Variants in ZNF804A observed in about 807,000 individuals in gnomAD.
The protein encoded by ZNF804A is zinc finger protein 804A.
In ZNF804A, 2 loss-of-function variants were observed where a neutral mutation model predicts 16.5. The observed-to-expected ratio is 0.12, with a 90% CI of 0.05 to 0.38. The LOEUF (loss-of-function observed/expected upper bound fraction) is 0.38, where lower values mean the gene tolerates loss of function less well. Ranked by LOEUF, ZNF804A falls within the 10% of genes least tolerant of loss-of-function variation. The probability of loss-of-function intolerance (pLI) is 0.99; values close to 1 mark genes in which losing one functional copy is unlikely to be tolerated. For missense variants in ZNF804A, 1,473 were observed against 1,390.7 expected (o/e 1.06, Z -0.94); for synonymous variants, 534 against 489.6 (o/e 1.09, Z -1.20).
intron 1 of ZNF804A, among the ~76,000 whole-genome samples, chr2:184,855,537 T>C (rs1356852266): frequency 6.6e-6 from 1 of 151,864 alleles, no homozygotes; most frequent in Non-Finnish European, 1.5e-5. Flanking sequence ...GTGACCAGGG[T>C]ATTCTTAGAT....
intron 1 of ZNF804A, among the ~76,000 whole-genome samples, chr2:184,823,121 G>C (rs1020437675): frequency 6.6e-6 from 1 of 152,004 alleles, no homozygotes; most frequent in Non-Finnish European, 1.5e-5. Context: ...TAGCAGGTTT[G>C]GTATTTGGTG....
At chr2:184,878,271 A>G (rs1684743358) in intron 2 of ZNF804A, among the ~76,000 whole-genome samples, 1 of 152,082 alleles carries the variant, frequency 6.6e-6, no homozygotes, top group Non-Finnish European at 1.5e-5. Flanking sequence ...TGAGCCAAAG[A>G]GTAGGACTGA....
At chr2:184,606,431 C>T (rs988599220) in intron 1 of ZNF804A, among the ~76,000 whole-genome samples, 15 of 152,090 alleles carry the variant, frequency 9.9e-5, no homozygotes, top group African/African-American at 3.6e-4. Flanking sequence ...GGGGAAACTG[C>T]CCCTATGATC....
chr2:184,806,150 A>T (rs1694798707), intron 1 of ZNF804A, among the ~76,000 whole-genome samples: 1 of 151,988 alleles, frequency 6.6e-6, no homozygotes, highest in Non-Finnish European at 1.5e-5. Context: ...GCCAATTAAT[A>T]AATGGCATTG....
At chr2:184,807,730 A>G (rs960364024) in intron 1 of ZNF804A, among the ~76,000 whole-genome samples, 2 of 151,738 alleles carry the variant, frequency 1.3e-5, no homozygotes, top group Admixed American at 1.3e-4. Context: ...GATGAGTAAG[A>G]CTGTCATTGT....
intron 1 of ZNF804A, among the ~76,000 whole-genome samples, chr2:184,765,307 G>A (rs569667352): frequency 2.0e-5 from 3 of 152,144 alleles, no homozygotes; most frequent in Admixed American, 2.0e-4. Flanking sequence ...TAATAAGGGA[G>A]GAGAGCACCC....
chr2:184,912,492 A>G (rs1169994502), intron 2 of ZNF804A, among the ~76,000 whole-genome samples: 4 of 152,058 alleles, frequency 2.6e-5, no homozygotes, highest in African/African-American at 9.7e-5. Flanking sequence ...TGGGTCATAC[A>G]GTAATTATAT....
chr2:184,897,266 T>C (rs1443914445), intron 2 of ZNF804A, among the ~76,000 whole-genome samples: 2 of 152,034 alleles, frequency 1.3e-5, no homozygotes, highest in Non-Finnish European at 2.9e-5. Flanking sequence ...ATTGTCATGA[T>C]TGATTTTGAC....
chr2:184,762,211 CTT>C (rs35871982), intron 1 of ZNF804A, among the ~76,000 whole-genome samples: 112 of 137,852 alleles, frequency 8.1e-4, no homozygotes, highest in Admixed American at 1.5e-3. Context: ...CTTTTCTTTT[CTT>C]TTTTTTTTTT....
chr2:184,708,904 C>A (rs1324429664), intron 1 of ZNF804A, among the ~76,000 whole-genome samples: 1 of 152,018 alleles, frequency 6.6e-6, no homozygotes, highest in Non-Finnish European at 1.5e-5. Context: ...TTTCAATCTT[C>A]TTACTACTGT....
intron 1 of ZNF804A, among the ~76,000 whole-genome samples, chr2:184,734,279 T>C (rs1436060666): frequency 6.6e-6 from 1 of 152,186 alleles, no homozygotes; most frequent in Non-Finnish European, 1.5e-5. Context: ...ATTTTACATC[T>C]TTTTGTTTTT....
intron 1 of ZNF804A, among the ~76,000 whole-genome samples, chr2:184,768,445 G>T (rs752510072): frequency 6.6e-6 from 1 of 151,972 alleles, no homozygotes; most frequent in African/African-American, 2.4e-5. Flanking sequence ...GGAATTTTGG[G>T]TACATATAAA....
At chr2:184,933,263 A>AT (rs1223797742) in intron 2 of ZNF804A, among the ~76,000 whole-genome samples, 1 of 152,118 alleles carries the variant, frequency 6.6e-6, no homozygotes, top group Non-Finnish European at 1.5e-5. Flanking sequence ...AGCAAGTTGA[A>AT]TTTTTTTGTA....
intron 1 of ZNF804A, among the ~76,000 whole-genome samples, chr2:184,708,498 C>G (rs974800087): frequency 6.6e-6 from 1 of 152,054 alleles, no homozygotes; most frequent in African/African-American, 2.4e-5. Context: ...AAGCTGCACA[C>G]CTACAGCCTT....
chr2:184,770,639 T>C (rs1425364267), intron 1 of ZNF804A, among the ~76,000 whole-genome samples: 1 of 150,238 alleles, frequency 6.7e-6, no homozygotes. Context: ...TTGGTCTTAG[T>C]AGAGAAAGAT....
At chr2:184,697,257 T>C (rs1427757749) in intron 1 of ZNF804A, among the ~76,000 whole-genome samples, 2 of 151,978 alleles carry the variant, frequency 1.3e-5, no homozygotes, top group African/African-American at 4.8e-5. Context: ...GTGAAGGGAA[T>C]AATGAAGCTA....
At chr2:184,819,070 T>G (rs1324198114) in intron 1 of ZNF804A, among the ~76,000 whole-genome samples, 2 of 152,064 alleles carry the variant, frequency 1.3e-5, no homozygotes, top group African/African-American at 4.8e-5. Context: ...GCAGACCTGA[T>G]AGATATCTAC....
chr2:184,604,327 C>T (rs1210958315), intron 1 of ZNF804A, among the ~76,000 whole-genome samples: 1 of 151,424 alleles, frequency 6.6e-6, no homozygotes, highest in African/African-American at 2.4e-5. Flanking sequence ...CCCGCCATCG[C>T]GCCCGGCTAA....
intron 1 of ZNF804A, among the ~76,000 whole-genome samples, chr2:184,629,443 T>G (rs1019644273): frequency 3.3e-5 from 5 of 152,040 alleles, no homozygotes; most frequent in African/African-American, 1.2e-4. Context: ...TAGGGAGAGT[T>G]TCTTATATTT....
Sources: allele counts gnomAD v4.1 joint callset (sites outside exome capture counted in the v4.1 genomes callset), GRCh38; gene constraint gnomAD v4.1.1; transcripts MANE v1.5; gene names NCBI Gene and HGNC (gene_info 2026-07-23, HGNC 2026-07-21).